The following SERPINB3 variants were observed in gnomAD, a reference collection of about 807,000 sequenced individuals.
SERPINB3 encodes serpin B3.
In SERPINB3, 33 loss-of-function variants were observed where a neutral mutation model predicts 33.0. The observed-to-expected ratio is 1.00, with a 90% CI of 0.76 to 1.34. The LOEUF (loss-of-function observed/expected upper bound fraction) is 1.34, where lower values mean the gene tolerates loss of function less well. Ranked by LOEUF, SERPINB3 falls within the 40% of genes most tolerant of loss-of-function variation. The probability of loss-of-function intolerance (pLI) is 0.00; values close to 1 mark genes in which losing one functional copy is unlikely to be tolerated. For synonymous variants in SERPINB3, 200 were observed against 170.9 expected (o/e 1.17, Z -1.33); for missense variants, 518 against 461.5 (o/e 1.12, Z -1.12).
At chr18:63,660,191 C>A (rs1203937063) in intron 3 of SERPINB3, among the ~76,000 whole-genome samples, 4 of 152,166 alleles carry the variant, frequency 2.6e-5, no homozygotes, top group African/African-American at 9.7e-5. Flanking sequence ...CTGTTTAAAT[C>A]TAGAAACTTC....
At chr18:63,658,422 T>G (rs1598938054) in intron 5 of SERPINB3, 91 bp downstream of exon 5, 1 of 1,091,786 alleles carries the variant, frequency 9.2e-7, no homozygotes, top group East Asian at 2.4e-5. Context: ...GCCATCTCAA[T>G]TCCCACCCAT....
chr18:63,656,141 G>T, intron 7 of SERPINB3, 80 bp from the exon 8 acceptor site: 1 of 1,493,218 alleles, frequency 6.7e-7, no homozygotes, highest in Non-Finnish European at 9.0e-7. Flanking sequence ...ACTATGTGGA[G>T]AATCCTTATT....
chr18:63,655,626 T>C lies in SERPINB3; in HGVS notation c.*31A>G. ...TTACCAGAACATCTGCAGGTGAACATTTTCCAAATGGAGTGACAGACTAAT... is the reference window on the plus strand; with the variant it reads ...TTACCAGAACATCTGCAGGTGAACACTTTCCAAATGGAGTGACAGACTAAT... On this transcript the variant is annotated 3_prime_UTR_variant, in exon 8 of 8. Coordinates refer to ENST00000283752, the MANE Select transcript of SERPINB3 (RefSeq NM_006919.3). The C allele has an allele frequency of 6.4e-7, 1 of 1,562,798 alleles. No homozygotes were observed. Among genetic ancestry groups the C allele is most frequent in the South Asian group, 1.2e-5 (1 of 83,418 alleles).
Position 63,655,603 on chromosome 18 carries a change from A to G in SERPINB3, c.*54T>C, listed in dbSNP as rs1357706784. ...ATCTGTTGTTGCCAGCAATCAGTTT[A>G]CCAGAACATCTGCAGGTGAACATTT... On this transcript the variant is annotated 3_prime_UTR_variant, in exon 8 of 8. Coordinates refer to ENST00000283752, the MANE Select transcript of SERPINB3 (RefSeq NM_006919.3). The G allele has an allele frequency of 3.9e-6, 6 of 1,532,768 alleles. 1 individual carries two copies. The Admixed American group carries it at 7.8e-5, about 20-fold the overall frequency. The allele number at this position is 1,532,768 out of a possible 1,614,324, so 94.9% of individuals were successfully genotyped here.
chr18:63,659,340 C>T (rs779411061), intron 4 of SERPINB3, 59 bp downstream of exon 4: 52 of 1,571,098 alleles, frequency 3.3e-5, no homozygotes, highest in Admixed American at 8.4e-5. Context: ...TCCATTTGGC[C>T]ACTCAGAGAC....
intron 3 of SERPINB3, 62 bp downstream of exon 3, chr18:63,660,738 C>T (rs1440572835): frequency 1.2e-6 from 2 of 1,607,496 alleles, no homozygotes; most frequent in Non-Finnish European, 1.7e-6. Flanking sequence ...CTGTGAAGTT[C>T]CAGGTTCAAA....
In SERPINB3 at chr18:63,661,138, T is replaced by A. The variant is rs767312438; in HGVS notation, c.79A>T (p.Ile27Phe). 1 of 1,613,550 alleles carries A rather than the reference T, an allele frequency of 6.2e-7. No individual in the cohort carries two copies. The highest frequency in any genetic ancestry group is 1.3e-5 in the African/African-American group (1 of 74,886). The change falls in exon 2 of 8, where the codon ATC becomes TTC. Residue 27 changes from isoleucine (I) to phenylalanine (F), a missense_variant. Physicochemically the swap from Ile to Phe is conservative, Grantham distance 21. Coordinates refer to ENST00000283752, the MANE Select transcript of SERPINB3 (RefSeq NM_006919.3). The part of the protein sequence containing the change: ...QQFRKSKENN[I>F]FYSPISITSA... Reference sequence around the variant, plus strand: ...GTGATGCTGATAGGGGAATAGAAGATGTTGTTCTCTTTTGATTTTCTGAAC... The same window carrying A: ...GTGATGCTGATAGGGGAATAGAAGAAGTTGTTCTCTTTTGATTTTCTGAAC...
At chr18:63,657,687 T>C (rs991094049) in intron 5 of SERPINB3, among the ~76,000 whole-genome samples, 3 of 152,104 alleles carry the variant, frequency 2.0e-5, no homozygotes, top group Admixed American at 2.0e-4. Context: ...AATGAGTCCA[T>C]TCATCTGATT....
At position 63,655,848 on chromosome 18, in the gene SERPINB3, C is replaced by T. The variant is rs1303191287; in HGVS notation, c.982G>A (p.Val328Ile). The change falls in exon 8 of 8, where the codon GTC becomes ATC. Residue 328 changes from valine to isoleucine, a missense_variant. Transcript: ENST00000283752. ...ACCTCCACAAAGGCCTTGTGTAGGA[C>T]TCCAGATAGCACGAGACCGCGGCTC... ...TGSRGLVLSGVLHKAFVEVTE... is the reference protein window; with the variant it reads ...TGSRGLVLSGILHKAFVEVTE... 6.8e-6 allele frequency: 11 copies of T among 1,613,990 alleles called. No homozygotes were observed. The highest frequency in any genetic ancestry group is 4.5e-5 in the East Asian group (2 of 44,870).
At chr18:63,656,181 C>A (rs1027034366) in intron 7 of SERPINB3, 120 bp from the exon 8 acceptor site, 2 of 1,200,416 alleles carry the variant, frequency 1.7e-6, no homozygotes, top group African/African-American at 1.5e-5. Context: ...ACAGAAGGTT[C>A]ACTTTATTAG....
chr18:63,661,335 T>C, intron 1 of SERPINB3, 93 bp from the exon 2 acceptor site: 16 of 1,368,834 alleles, frequency 1.2e-5, no homozygotes, highest in Non-Finnish European at 1.6e-5. Flanking sequence ...ATATCTGTGT[T>C]GTGAGATTTT....
Position 63,661,041 on chromosome 18 carries a change from C to T in SERPINB3, c.165+11G>A, listed in dbSNP as rs1342216356. On this transcript the variant is annotated intron_variant, in intron 2 of 7. Transcript: ENST00000283752. ...ACTGCAACAGGACAACATAATGATG[C>T]TGATAGCTACCTTCTTAATCTGTTG... The T allele has an allele frequency of 4.3e-6, 7 of 1,613,406 alleles. No homozygotes were observed. The highest frequency in any genetic ancestry group is 3.3e-5 in the South Asian group (3 of 91,034).
At chr18:63,660,725 T>G (rs754128080) in intron 3 of SERPINB3, 75 bp downstream of exon 3, 8 of 1,600,244 alleles carry the variant, frequency 5.0e-6, no homozygotes, top group South Asian at 1.1e-5. Flanking sequence ...CTTTTCTTAG[T>G]TTCTGTGAAG....
At position 63,655,788 on chromosome 18, in the gene SERPINB3, C is replaced by T. The variant is rs111442409; in HGVS notation, c.1042G>A (p.Ala348Thr). The T allele has an allele frequency of 9.3e-6, 15 of 1,613,970 alleles. No homozygotes were observed. Among genetic ancestry groups the T allele is most frequent in the African/African-American group, 4.0e-5 (3 of 74,998 alleles). The change falls in exon 8 of 8, where the codon GCT (alanine) becomes ACT (threonine). Residue 348 changes from alanine (A) to threonine (T), a missense_variant. Ala to Thr is a moderately conservative substitution (Grantham distance 58). Transcript: ENST00000283752. The part of the protein sequence containing the change: ...EEGAEAAAAT[A>T]VVGFGSSPTS... ...GGTGATGATCCGAATCCTACTACAGCGGTGGCAGCTGCAGCTTCTGCTCCC... is the reference window on the plus strand; with the variant it reads ...GGTGATGATCCGAATCCTACTACAGTGGTGGCAGCTGCAGCTTCTGCTCCC...
intron 7 of SERPINB3, 147 bp downstream of exon 7, chr18:63,656,684 G>A (rs1259090857): frequency 6.5e-6 from 6 of 928,046 alleles, no homozygotes; most frequent in Non-Finnish European, 7.8e-6. Context: ...TTAAATCTTT[G>A]TAATATGAAG....
intron 3 of SERPINB3, among the ~76,000 whole-genome samples, chr18:63,659,913 A>C (rs1913597938): frequency 6.6e-6 from 1 of 152,156 alleles, no homozygotes; most frequent in Non-Finnish European, 1.5e-5. Flanking sequence ...TGAAGGTTGG[A>C]TATTTTAAAT....
chr18:63,657,021 T>A (rs1376927614), intron 6 of SERPINB3, 35 bp from the exon 7 acceptor site: 2 of 1,554,386 alleles, frequency 1.3e-6, no homozygotes, highest in Admixed American at 1.8e-5. Flanking sequence ...AAATACCAAG[T>A]GAGACACAAG....
chr18:63,659,101 T>C (rs1913572476), intron 4 of SERPINB3, among the ~76,000 whole-genome samples: 1 of 152,188 alleles, frequency 6.6e-6, no homozygotes, highest in Non-Finnish European at 1.5e-5. Context: ...GTATCGTATG[T>C]GACTGAGTCA....
At chr18:63,659,909 T>C (rs945287611) in intron 3 of SERPINB3, among the ~76,000 whole-genome samples, 7 of 152,174 alleles carry the variant, frequency 4.6e-5, no homozygotes, top group Non-Finnish European at 1.0e-4. Flanking sequence ...ATGTTGAAGG[T>C]TGGATATTTT....
Sources: allele counts gnomAD v4.1 joint callset (sites outside exome capture counted in the v4.1 genomes callset), GRCh38; gene constraint gnomAD v4.1.1; transcripts MANE v1.5; gene names NCBI Gene and HGNC (gene_info 2026-07-23, HGNC 2026-07-21).